ZMIZ1: variants seen among roughly 807,000 people sequenced by gnomAD.
The protein encoded by ZMIZ1 is zinc finger MIZ domain-containing protein 1.
Under a neutral mutation model 113.9 loss-of-function variants are expected in ZMIZ1, and 17 were observed. That is an observed-to-expected ratio of 0.15 (90% CI 0.10 to 0.22). The LOEUF (loss-of-function observed/expected upper bound fraction) is 0.22. Ranked by LOEUF, ZMIZ1 falls within the 10% of genes least tolerant of loss-of-function variation. ZMIZ1 has a pLI of 1.00. For missense variants in ZMIZ1, 1,059 were observed against 1,477.8 expected, an observed-to-expected ratio of 0.72 and a Z score of 4.65; for synonymous variants, 607 against 603.1, an observed-to-expected ratio of 1.01 and a Z score of -0.09.
intron 1 of ZMIZ1, among the ~76,000 whole-genome samples, chr10:79,088,139 C>T (rs1842871716): frequency 6.6e-6 from 1 of 152,256 alleles, no homozygotes; most frequent in African/African-American, 2.4e-5. Flanking sequence ...CCAGCCAAAG[C>T]CAGAGAGATG....
At chr10:79,199,981 T>C (rs922182915) in intron 4 of ZMIZ1, among the ~76,000 whole-genome samples, 3 of 152,180 alleles carry the variant, frequency 2.0e-5, no homozygotes, top group Non-Finnish European at 2.9e-5. Flanking sequence ...AACCTACACT[T>C]CCACCAGCTG....
intron 3 of ZMIZ1, among the ~76,000 whole-genome samples, chr10:79,159,750 A>C (rs1257075658): frequency 6.6e-6 from 1 of 152,162 alleles, no homozygotes; most frequent in Non-Finnish European, 1.5e-5. Context: ...ATGCAGGCTC[A>C]CTGTCCCCCA....
chr10:79,208,196 C>G, intron 5 of ZMIZ1, 140 bp from the exon 6 acceptor site: 1 of 646,354 alleles, frequency 1.5e-6, no homozygotes, highest in Non-Finnish European at 2.7e-6. Context: ...AGGAAACTTA[C>G]TGATCCCAGC....
chr10:79,163,680 T>C (rs892833787), intron 4 of ZMIZ1, among the ~76,000 whole-genome samples: 3 of 152,204 alleles, frequency 2.0e-5, no homozygotes, highest in Non-Finnish European at 2.9e-5. Flanking sequence ...CATAAGGCCT[T>C]AGAGGCCAGG....
At chr10:79,107,540 G>A (rs913234163) in intron 1 of ZMIZ1, among the ~76,000 whole-genome samples, 2 of 152,228 alleles carry the variant, frequency 1.3e-5, no homozygotes, top group African/African-American at 2.4e-5. Flanking sequence ...GGAGGCAGAT[G>A]TGTTCACCAC....
At chr10:79,145,871 T>C (rs1323202282) in intron 3 of ZMIZ1, among the ~76,000 whole-genome samples, 1 of 152,172 alleles carries the variant, frequency 6.6e-6, no homozygotes, top group Non-Finnish European at 1.5e-5. Context: ...CATGCCTGGC[T>C]AATTTTTAAA....
intron 1 of ZMIZ1, among the ~76,000 whole-genome samples, chr10:79,098,579 C>T (rs1258007568): frequency 6.6e-6 from 1 of 152,222 alleles, no homozygotes; most frequent in African/African-American, 2.4e-5. Context: ...ATTACTTTTG[C>T]ATAATGAGCT....
rs1843056512 is a variant in ZMIZ1 at position 79,093,338 on chromosome 10, T to G, written c.-337+24068T>G. 2.9e-5 allele frequency among the ~76,000 whole-genome samples: 4 copies of G among 140,208 alleles called. No homozygotes were observed. The South Asian group carries it at 9.4e-4, about 33-fold the overall frequency. The allele number at this position is 140,208 out of a possible 152,430, so 92.0% of individuals were successfully genotyped here. On this transcript the variant is annotated intron_variant, in intron 1 of 24. Coordinates refer to ENST00000334512, the MANE Select transcript of ZMIZ1 (RefSeq NM_020338.4). ...ATTTATTTATTTATTTATTTATTTA[T>G]TTATTTTGAGACAGAGTCTCACTCT... is the stretch of plus-strand genomic sequence containing the variant.
intron 4 of ZMIZ1, among the ~76,000 whole-genome samples, chr10:79,193,811 G>C (rs1181405968): frequency 6.6e-6 from 1 of 152,182 alleles, no homozygotes; most frequent in African/African-American, 2.4e-5. Flanking sequence ...ATGGAGGTGC[G>C]ATCTTCAGAG....
At chr10:79,220,440 G>A (rs1848918558) in intron 7 of ZMIZ1, among the ~76,000 whole-genome samples, 1 of 152,146 alleles carries the variant, frequency 6.6e-6, no homozygotes, top group Admixed American at 6.5e-5. Context: ...CAGCCCCGGT[G>A]TGCCTGTGTG....
chr10:79,092,193 C>G (rs1419298939), intron 1 of ZMIZ1, among the ~76,000 whole-genome samples: 3 of 152,220 alleles, frequency 2.0e-5, no homozygotes, highest in Non-Finnish European at 4.4e-5. Context: ...CCCAGCCTGT[C>G]TGCCTGCTGC....
intron 4 of ZMIZ1, among the ~76,000 whole-genome samples, chr10:79,194,743 A>G (rs1374986503): frequency 1.3e-5 from 2 of 152,120 alleles, no homozygotes; most frequent in Admixed American, 1.3e-4. Flanking sequence ...AGGTGTTCCC[A>G]GGCCTTTTCA....
At chr10:79,276,376 G>A (rs1229141992) in intron 7 of ZMIZ1, among the ~76,000 whole-genome samples, 1 of 152,212 alleles carries the variant, frequency 6.6e-6, no homozygotes, top group Non-Finnish European at 1.5e-5. Flanking sequence ...GCCACGTGGG[G>A]ACAGTGAACA....
intron 11 of ZMIZ1, 44 bp from the exon 12 acceptor site, chr10:79,293,337 C>CTTT: frequency 1.5e-6 from 2 of 1,350,500 alleles, no homozygotes; most frequent in Non-Finnish European, 2.0e-6. Flanking sequence ...GCATTTTATT[C>CTTT]TTTTTTTTTT....
chr10:79,069,857 G>C lies in ZMIZ1; in HGVS notation c.-337+587G>C, dbSNP rs933486255. Among the ~76,000 whole-genome samples the C allele has an allele frequency of 9.9e-5, 15 of 151,264 alleles. No individual in the cohort carries two copies. Among genetic ancestry groups the C allele is most frequent in the Admixed American group, 6.6e-5 (1 of 15,234 alleles). Reference sequence around the variant, plus strand: ...TAAGTTGTTTGTGTGGGAATTGCCCGGGGAAAGCTGGCGCGCGGTACAAAC... The same window carrying C: ...TAAGTTGTTTGTGTGGGAATTGCCCCGGGAAAGCTGGCGCGCGGTACAAAC... On this transcript the variant is annotated intron_variant, in intron 1 of 24. Transcript: ENST00000334512. The surrounding 1 kb of genome is among the most constrained non-coding windows in gnomAD (Gnocchi z 4.6).
At chr10:79,230,717 G>A (rs746761922) in intron 7 of ZMIZ1, among the ~76,000 whole-genome samples, 5 of 152,230 alleles carry the variant, frequency 3.3e-5, no homozygotes, top group East Asian at 1.9e-4. Context: ...TGCTGGATGC[G>A]GTGGAGGTGG....
At chr10:79,285,449 A>G (rs1270744756) in intron 8 of ZMIZ1, 3 of 455,842 alleles carry the variant, frequency 6.6e-6, no homozygotes, top group African/African-American at 4.0e-5. Context: ...GCCCCATTTC[A>G]TAGATGAGGT....
At chr10:79,305,294 G>A in intron 20 of ZMIZ1, 63 bp downstream of exon 20, 1 of 1,575,182 alleles carries the variant, frequency 6.3e-7, no homozygotes, top group Non-Finnish European at 8.7e-7. Context: ...GGAGGGGCCA[G>A]CTACCTCCCA....
chr10:79,302,920 G>GCAGTGCA (rs1854424611), intron 18 of ZMIZ1, among the ~76,000 whole-genome samples: 1 of 147,830 alleles, frequency 6.8e-6, no homozygotes, highest in Non-Finnish European at 1.5e-5. Context: ...GGAGTGCAGT[G>GCAGTGCA]GTGCTATCTC....
Sources: allele counts gnomAD v4.1 joint callset (sites outside exome capture counted in the v4.1 genomes callset), GRCh38; gene constraint gnomAD v4.1.1; non-coding constraint Gnocchi (gnomAD v3.1); transcripts MANE v1.5; gene names NCBI Gene and HGNC (gene_info 2026-07-23, HGNC 2026-07-21).